The following ROBO2 variants were observed in gnomAD, a reference collection of about 807,000 sequenced individuals.
ROBO2 encodes the protein roundabout homolog 2.
ROBO2 carries 53 observed loss-of-function variants against 160.8 expected under a neutral mutation model. That is an observed-to-expected ratio of 0.33 (90% CI 0.26 to 0.41). ROBO2 has a LOEUF of 0.41. ROBO2 is among the 10% of genes least tolerant of loss of function. The probability of loss-of-function intolerance (pLI) is 1.00; values close to 1 mark genes in which losing one functional copy is unlikely to be tolerated. For synonymous variants in ROBO2, 664 were observed against 611.7 expected (o/e 1.09, Z -1.26); for missense variants, 1,577 against 1,722.4 (o/e 0.92, Z 1.49).
intron 2 of ROBO2, among the ~76,000 whole-genome samples, chr3:77,207,872 C>A (rs1469392852): frequency 6.6e-6 from 1 of 152,134 alleles, no homozygotes; most frequent in Non-Finnish European, 1.5e-5. Context: ...ATTTTAAGAT[C>A]CTTGCTGCTT....
chr3:77,433,650 A>G (rs1203691081), intron 2 of ROBO2, among the ~76,000 whole-genome samples: 2 of 151,754 alleles, frequency 1.3e-5, no homozygotes, highest in Non-Finnish European at 2.9e-5. Flanking sequence ...TTCCCTAAAC[A>G]GATAACTCTC....
chr3:77,202,270 T>C (rs2082984708), intron 2 of ROBO2, among the ~76,000 whole-genome samples: 2 of 152,192 alleles, frequency 1.3e-5, no homozygotes, highest in Non-Finnish European at 2.9e-5. Flanking sequence ...CTGTACAAAA[T>C]GGTATCAACA....
chr3:76,727,276 A>G (rs2093566858), intron 2 of ROBO2, among the ~76,000 whole-genome samples: 1 of 152,208 alleles, frequency 6.6e-6, no homozygotes, highest in Non-Finnish European at 1.5e-5. Flanking sequence ...TAGTTCTAAA[A>G]TGATCTTAAG....
intron 2 of ROBO2, among the ~76,000 whole-genome samples, chr3:76,379,117 A>G (rs1318736986): frequency 2.0e-5 from 3 of 152,168 alleles, no homozygotes; most frequent in Admixed American, 6.5e-5. Flanking sequence ...TAACAAATGA[A>G]GACATTGTTT....
At chr3:76,382,385 G>A (rs1373871467) in intron 2 of ROBO2, among the ~76,000 whole-genome samples, 1 of 152,116 alleles carries the variant, frequency 6.6e-6, no homozygotes, top group Non-Finnish European at 1.5e-5. Flanking sequence ...TCAGGAGATC[G>A]AGACCATCCT....
At chr3:76,134,521 AC>A (rs1432353787) in intron 2 of ROBO2, among the ~76,000 whole-genome samples, 2 of 151,850 alleles carry the variant, frequency 1.3e-5, no homozygotes, top group Non-Finnish European at 2.9e-5. Flanking sequence ...TATCAGGAAA[AC>A]CCTTTAAAAG....
intron 2 of ROBO2, among the ~76,000 whole-genome samples, chr3:76,557,545 T>C (rs1193164605): frequency 6.6e-6 from 1 of 151,824 alleles, no homozygotes; most frequent in African/African-American, 2.4e-5. Flanking sequence ...TTGGTTTAGT[T>C]GCTATCTGGA....
At chr3:76,801,765 C>T (rs1167035) in intron 2 of ROBO2, among the ~76,000 whole-genome samples, 76,077 of 151,966 alleles carry the variant, frequency 0.5, 20,145 homozygotes, top group African/African-American at 0.69. Flanking sequence ...GTGCGAGAGG[C>T]CTAGCTTTCA....
intron 22 of ROBO2, chr3:77,618,067 A>G: frequency 2.4e-6 from 1 of 419,156 alleles, no homozygotes. Flanking sequence ...ATTTCAGGCT[A>G]AAGTGCTCTT....
chr3:77,065,752 A>G (rs1278184618), intron 1 of ROBO2, among the ~76,000 whole-genome samples: 1 of 152,172 alleles, frequency 6.6e-6, no homozygotes, highest in Non-Finnish European at 1.5e-5. Context: ...GAAGTCAAAT[A>G]TATGTTTCTC....
chr3:76,928,357 C>T (rs567015918), intron 2 of ROBO2, among the ~76,000 whole-genome samples: 120 of 152,086 alleles, frequency 7.9e-4, no homozygotes, highest in African/African-American at 1.9e-3. Context: ...GTGAGGCTTC[C>T]GAGCTGCAGA....
chr3:76,640,589 G>T (rs1182242176), intron 2 of ROBO2, among the ~76,000 whole-genome samples: 1 of 29,116 alleles, frequency 3.4e-5, no homozygotes, highest in African/African-American at 7.2e-5. Context: ...ATGCGTGTTT[G>T]CGTGTGAGTG....
chr3:76,708,152 G>A (rs142269461), intron 2 of ROBO2, among the ~76,000 whole-genome samples: 3 of 152,158 alleles, frequency 2.0e-5, no homozygotes, highest in East Asian at 1.9e-4. Context: ...AACTTTCAAA[G>A]CATATCCTTT....
At chr3:76,552,441 C>G (rs1205606284) in intron 2 of ROBO2, among the ~76,000 whole-genome samples, 1 of 152,170 alleles carries the variant, frequency 6.6e-6, no homozygotes, top group East Asian at 1.9e-4. Context: ...GAGTATTCAT[C>G]TTAGAAGAAG....
chr3:77,385,368 A>C (rs1301570978), intron 2 of ROBO2, among the ~76,000 whole-genome samples: 1 of 152,210 alleles, frequency 6.6e-6, no homozygotes, highest in African/African-American at 2.4e-5. Flanking sequence ...AATATTTATT[A>C]GAGAATAATG....
intron 2 of ROBO2, among the ~76,000 whole-genome samples, chr3:76,025,895 C>T (rs1488838813): frequency 6.6e-6 from 1 of 151,820 alleles, no homozygotes; most frequent in East Asian, 1.9e-4. Context: ...TGGCCAAATC[C>T]ATTTTTCCAG....
At chr3:76,092,861 A>G (rs529658207) in intron 2 of ROBO2, among the ~76,000 whole-genome samples, 1 of 152,326 alleles carries the variant, frequency 6.6e-6, no homozygotes, top group South Asian at 2.1e-4. Context: ...GTCAACCTTG[A>G]CAAAAGAACA....
At chr3:77,454,870 T>C (rs957976825) in intron 2 of ROBO2, among the ~76,000 whole-genome samples, 4 of 152,232 alleles carry the variant, frequency 2.6e-5, no homozygotes, top group Non-Finnish European at 5.9e-5. Context: ...TGAATTATCA[T>C]AGTTTGAAGA....
intron 2 of ROBO2, among the ~76,000 whole-genome samples, chr3:76,813,928 C>T (rs1299833689): frequency 6.6e-6 from 1 of 151,984 alleles, no homozygotes; most frequent in Non-Finnish European, 1.5e-5. Context: ...AATAATATAG[C>T]AATCTTTTCA....
Sources: allele counts gnomAD v4.1 joint callset (sites outside exome capture counted in the v4.1 genomes callset), GRCh38; gene constraint gnomAD v4.1.1; transcripts MANE v1.5; gene names NCBI Gene and HGNC (gene_info 2026-07-23, HGNC 2026-07-21).